The following MRPL35 variants were observed in gnomAD, a reference collection of about 807,000 sequenced individuals.
MRPL35 encodes the protein large ribosomal subunit protein bL35m.
MRPL35 carries 18 observed loss-of-function variants against 21.6 expected under a neutral mutation model. That is an observed-to-expected ratio of 0.83 (90% CI 0.58 to 1.24). The LOEUF (loss-of-function observed/expected upper bound fraction) is 1.24, where lower values mean the gene tolerates loss of function less well. Among genes scored for constraint, MRPL35 ranks in the 50% most tolerant of loss-of-function variants. MRPL35 has a pLI of 0.00. For missense variants in MRPL35, 223 were observed against 223.2 expected (o/e 1.00, Z 0.01); for synonymous variants, 87 against 86.9 (o/e 1.00, Z -0.01).
intron 3 of MRPL35, among the ~76,000 whole-genome samples, chr2:86,208,172 T>C (rs1441038532): frequency 6.6e-6 from 1 of 152,222 alleles, no homozygotes; most frequent in Non-Finnish European, 1.5e-5. Context: ...TGAAACACTG[T>C]GGTGGGTAGT....
chr2:86,209,344 AT>A (rs1278262271), intron 3 of MRPL35, among the ~76,000 whole-genome samples: 2 of 152,226 alleles, frequency 1.3e-5, no homozygotes, highest in Non-Finnish European at 2.9e-5. Flanking sequence ...TTCAGTTGGT[AT>A]TGTGCCATAA....
At chr2:86,204,309 T>C (rs1216489943) in intron 1 of MRPL35, among the ~76,000 whole-genome samples, 1 of 152,112 alleles carries the variant, frequency 6.6e-6, no homozygotes, top group African/African-American at 2.4e-5. Flanking sequence ...ACCAACTTTA[T>C]TGAGGTAGAA....
Position 86,206,305 on chromosome 2 carries a change from A to T in MRPL35, c.233+10A>T, listed in dbSNP as rs765297684. 3 of 1,577,474 alleles carry T rather than the reference A, an allele frequency of 1.9e-6. No individual in the cohort carries two copies. Among genetic ancestry groups the T allele is most frequent in the Non-Finnish European group, 2.6e-6 (3 of 1,166,388 alleles). On this transcript the variant is annotated intron_variant, in intron 2 of 3. Transcript: ENST00000337109. ...CAGTGATCCTTAATAGGTAGAGTAT[A>T]TTTCTTTGTGGGGTTTTTTTTGTTT...
chr2:86,206,347 T>C (rs778729864), intron 2 of MRPL35, 52 bp downstream of exon 2: 4 of 1,515,642 alleles, frequency 2.6e-6, no homozygotes, highest in African/African-American at 1.4e-5. Context: ...TTTTGTTTTT[T>C]TTTGAGACGG....
In MRPL35 at chr2:86,213,624, A is replaced by G; in HGVS notation, c.*2956A>G. The G allele has an allele frequency of 6.4e-7, 1 of 1,550,506 alleles. No individual in the cohort carries two copies. Among genetic ancestry groups the G allele is most frequent in the African/African-American group, 1.4e-5 (1 of 73,168 alleles). On this transcript the variant is annotated 3_prime_UTR_variant, in exon 4 of 4. Coordinates refer to ENST00000337109, the MANE Select transcript of MRPL35 (RefSeq NM_016622.4). ...CCTTCACCACCCTGTTGTCACCTGCACAGGCACTCCCCCATTTGCAGATGA... is the reference window on the plus strand; with the variant it reads ...CCTTCACCACCCTGTTGTCACCTGCGCAGGCACTCCCCCATTTGCAGATGA...
chr2:86,211,220 T>G lies in MRPL35; in HGVS notation c.*552T>G. On this transcript the variant is annotated 3_prime_UTR_variant, in exon 4 of 4. Transcript: ENST00000337109. Reference sequence around the variant, plus strand: ...TATTCACCAACTTCTCTACACAGCTTTTGCATACTTACAGTTTCTGTTCCT... The same window carrying G: ...TATTCACCAACTTCTCTACACAGCTGTTGCATACTTACAGTTTCTGTTCCT... 2.1e-6 allele frequency: 2 copies of G among 956,742 alleles called. No homozygotes were observed. The highest frequency in any genetic ancestry group is 2.5e-6 in the Non-Finnish European group (2 of 803,984). 59.3% of individuals were successfully genotyped at this position (956,742 alleles called of 1,614,324 possible). A position where few individuals can be genotyped will look rare whatever the true frequency, so the allele number is the denominator to read the frequency against.
intron 1 of MRPL35, 120 bp downstream of exon 1, chr2:86,199,653 G>A: frequency 7.8e-7 from 1 of 1,288,566 alleles, no homozygotes; most frequent in Non-Finnish European, 1.1e-6. Flanking sequence ...AAGTTAAGAA[G>A]GTTGCGCCCA....
intron 1 of MRPL35, 78 bp downstream of exon 1, chr2:86,199,611 T>A: frequency 6.4e-7 from 1 of 1,557,046 alleles, no homozygotes; most frequent in South Asian, 1.1e-5. Flanking sequence ...GCGTTTAGAC[T>A]GGAGGTTAAC....
At chr2:86,209,827 G>A (rs1673866994) in intron 3 of MRPL35, among the ~76,000 whole-genome samples, 1 of 152,186 alleles carries the variant, frequency 6.6e-6, no homozygotes, top group South Asian at 2.1e-4. Flanking sequence ...TGGGCAAGAT[G>A]GTGAGACCTT....
chr2:86,204,738 G>A (rs1224961114), intron 1 of MRPL35, among the ~76,000 whole-genome samples: 1 of 152,096 alleles, frequency 6.6e-6, no homozygotes, highest in East Asian at 1.9e-4. Context: ...TGATAGTCAG[G>A]CGAACAGTCT....
rs1013551870 is a variant in MRPL35, at chr2:86,206,196, G to C, written c.134G>C (p.Arg45Pro). The C allele has an allele frequency of 1.2e-6, 2 of 1,613,636 alleles. No individual in the cohort carries two copies. Among genetic ancestry groups the C allele is most frequent in the African/African-American group, 2.7e-5 (2 of 74,920 alleles). Reference protein sequence around the residue: ...ASLISALSTGRFSHIQTPVVS... With the variant: ...ASLISALSTGPFSHIQTPVVS... ...CTTATTTCTGCATTGTCCACTGGACGTTTTAGTCATATTCAGACACCAGTT... is the reference window on the plus strand; with the variant it reads ...CTTATTTCTGCATTGTCCACTGGACCTTTTAGTCATATTCAGACACCAGTT... Residue 45 changes from arginine to proline, a missense_variant, in exon 2 of 4, where the codon CGT becomes CCT. Transcript: ENST00000337109.
At chr2:86,204,809 CA>C (rs1203727129) in intron 1 of MRPL35, among the ~76,000 whole-genome samples, 1 of 152,222 alleles carries the variant, frequency 6.6e-6, no homozygotes. Context: ...TGGAACAATA[CA>C]GCAGGTGGGG....
chr2:86,212,633 C>T lies in MRPL35; in HGVS notation c.*1965C>T. The T allele has an allele frequency of 7.3e-7, 1 of 1,371,486 alleles. No homozygotes were observed. The highest frequency in any genetic ancestry group is 1.8e-5 in the South Asian group (1 of 55,888). The allele number at this position is 1,371,486 out of a possible 1,614,324, so 85.0% of individuals were successfully genotyped here. ...GGGGCCTCAGAGCACCTTCGTTTCT[C>T]CTCTAGACCAGGGACAGGTGTAGAG... On this transcript the variant is annotated 3_prime_UTR_variant, in exon 4 of 4. Transcript: ENST00000337109.
chr2:86,210,806 A>C lies in MRPL35; in HGVS notation c.*138A>C. On this transcript the variant is annotated 3_prime_UTR_variant, in exon 4 of 4. Transcript: ENST00000337109. ...CATACAGTGACAACATTAAACTTAG[A>C]AAAGTTTTAAAACTTAATGGATCAG... 7.5e-7 allele frequency: 1 copy of C among 1,332,118 alleles called. No homozygotes were observed. Among genetic ancestry groups the C allele is most frequent in the Non-Finnish European group, 9.6e-7 (1 of 1,037,850 alleles). The allele number at this position is 1,332,118 out of a possible 1,614,324, so 82.5% of individuals were successfully genotyped here.
chr2:86,207,633 C>CA (rs1353556371), intron 3 of MRPL35, among the ~76,000 whole-genome samples: 1 of 151,800 alleles, frequency 6.6e-6, no homozygotes, highest in African/African-American at 2.4e-5. Context: ...GACTCCGTCT[C>CA]AAAAAAGAAA....
At chr2:86,200,496 G>A (rs557226942) in intron 1 of MRPL35, among the ~76,000 whole-genome samples, 1 of 152,114 alleles carries the variant, frequency 6.6e-6, no homozygotes, top group Admixed American at 6.6e-5. Flanking sequence ...GTTACTATTA[G>A]GTTGCCTATT....
Position 86,211,676 on chromosome 2 carries a change from T to A in MRPL35, c.*1008T>A. ...GCAAGTTTTGAAAGATAGGTATTTA[T>A]TTTTTCTAGAGACAGGAGTTTTGCT... On this transcript the variant is annotated 3_prime_UTR_variant, in exon 4 of 4. Coordinates refer to ENST00000337109, the MANE Select transcript of MRPL35 (RefSeq NM_016622.4). 1.0e-6 allele frequency: 1 copy of A among 985,424 alleles called. No homozygotes were observed. Among genetic ancestry groups the A allele is most frequent in the Non-Finnish European group, 1.2e-6 (1 of 829,924 alleles). The allele number at this position is 985,424 out of a possible 1,614,324, so 61.0% of individuals were successfully genotyped here.
chr2:86,202,808 C>T (rs1251328246), intron 1 of MRPL35, among the ~76,000 whole-genome samples: 2 of 152,060 alleles, frequency 1.3e-5, no homozygotes, highest in Non-Finnish European at 2.9e-5. Context: ...TCTCCTACCT[C>T]AGCCTCCGAG....
intron 2 of MRPL35, 129 bp from the exon 3 acceptor site, chr2:86,207,054 G>A (rs778274227): frequency 7.2e-4 from 637 of 889,326 alleles, no homozygotes; most frequent in Admixed American, 1.3e-3. Context: ...GTCATTGGAA[G>A]TAATATTGTA....
Sources: gnomAD v4.1 joint callset for allele counts (sites outside exome capture counted in the v4.1 genomes callset) on GRCh38, gnomAD v4.1.1 for gene constraint, MANE v1.5 for transcripts, NCBI Gene and HGNC (gene_info 2026-07-23, HGNC 2026-07-21) for gene names.